DNM3: variants seen among roughly 807,000 people sequenced by gnomAD.
The protein encoded by DNM3 is dynamin-3.
Under a neutral mutation model 101.6 loss-of-function variants are expected in DNM3, and 47 were observed. The ratio of observed to expected loss-of-function variants is 0.46; its 90% confidence interval spans 0.37 to 0.59. The LOEUF is 0.59. DNM3 is among the 20% of genes least tolerant of loss of function. The probability of loss-of-function intolerance (pLI) is 0.00; values close to 1 mark genes in which losing one functional copy is unlikely to be tolerated. For synonymous variants in DNM3, 385 were observed against 387.9 expected, an observed-to-expected ratio of 0.99 and a Z score of 0.09; for missense variants, 849 against 1,085.7, an observed-to-expected ratio of 0.78 and a Z score of 3.06.
At chr1:172,254,354 G>A (rs1239386661) in intron 15 of DNM3, among the ~76,000 whole-genome samples, 1 of 152,122 alleles carries the variant, frequency 6.6e-6, no homozygotes, top group Non-Finnish European at 1.5e-5. Flanking sequence ...TATCACTTAA[G>A]CTCTTCTTGA....
intron 14 of DNM3, among the ~76,000 whole-genome samples, chr1:172,231,066 T>G (rs1188270908): frequency 6.6e-6 from 1 of 151,870 alleles, no homozygotes; most frequent in South Asian, 2.1e-4. Flanking sequence ...TATGCCATAT[T>G]TATGTGACTA....
At chr1:171,996,989 G>A (rs1487001359) in intron 4 of DNM3, among the ~76,000 whole-genome samples, 1 of 151,836 alleles carries the variant, frequency 6.6e-6, no homozygotes, top group Admixed American at 6.6e-5. Context: ...CTGTGATCAC[G>A]CTACTGCACT....
chr1:171,892,121 CT>C (rs1180189155), intron 1 of DNM3, among the ~76,000 whole-genome samples: 1 of 152,060 alleles, frequency 6.6e-6, no homozygotes, highest in African/African-American at 2.4e-5. Context: ...CGTGGGAGCT[CT>C]TTCAGTTGGT....
intron 10 of DNM3, among the ~76,000 whole-genome samples, chr1:172,055,083 CAT>C (rs2050498050): frequency 6.6e-6 from 1 of 151,642 alleles, no homozygotes; most frequent in African/African-American, 2.4e-5. Context: ...TCTGAATACA[CAT>C]AACTAAACAA....
Position 172,304,206 on chromosome 1 carries a change from C to CAAAAAA in DNM3, c.1770-4511_1770-4506dup, listed in dbSNP as rs575733774. Among the ~76,000 whole-genome samples, 311 of 36,360 alleles carry CAAAAAA rather than the reference C, an allele frequency of 8.6e-3. 20 individuals carry two copies. Among genetic ancestry groups the CAAAAAA allele is most frequent in the Middle Eastern group, 0.059 (2 of 34 alleles). The allele number at this position is 36,360 out of a possible 152,430, so 23.9% of individuals were successfully genotyped here. A position where few individuals can be genotyped will look rare whatever the true frequency, so the allele number is the denominator to read the frequency against. On this transcript the variant is annotated intron_variant, in intron 15 of 20. Coordinates refer to ENST00000627582, the MANE Select transcript of DNM3 (RefSeq NM_015569.5). ...GAATATCTACCATGCAAAAGGAAAG[C>CAAAAAA]AAAAAAAAAAAAAAAACAGGAGTTG...
At chr1:172,300,067 G>T (rs771360407) in intron 15 of DNM3, among the ~76,000 whole-genome samples, 2 of 152,036 alleles carry the variant, frequency 1.3e-5, no homozygotes, top group Non-Finnish European at 1.5e-5. Flanking sequence ...TGGCTTTTTA[G>T]TAGTAGCCAT....
intron 1 of DNM3, among the ~76,000 whole-genome samples, chr1:171,870,641 T>C (rs1196716199): frequency 2.6e-5 from 4 of 152,182 alleles, no homozygotes; most frequent in Non-Finnish European, 5.9e-5. Flanking sequence ...CAAATTAGAT[T>C]ATGTATCAAA....
intron 2 of DNM3, among the ~76,000 whole-genome samples, chr1:171,968,742 A>C (rs962533673): frequency 2.0e-5 from 3 of 152,196 alleles, no homozygotes; most frequent in Non-Finnish European, 2.9e-5. Flanking sequence ...GTTGGAGCGA[A>C]AGTCCAGTCT....
At position 172,397,300 on chromosome 1, in the gene DNM3, T is replaced by A. The variant is rs564727147; in HGVS notation, c.2522+8491T>A. The A allele has an allele frequency of 4.6e-5, 7 of 152,752 alleles. No individual in the cohort carries two copies. The South Asian group carries it at 1.4e-3, about 32-fold the overall frequency. 9.5% of individuals were successfully genotyped at this position (152,752 alleles called of 1,614,324 possible). On this transcript the variant is annotated intron_variant, in intron 20 of 20. Coordinates refer to ENST00000627582, the MANE Select transcript of DNM3 (RefSeq NM_015569.5). ...TTGGGGTGGAAAAATTAAGGAAACA[T>A]TAGTAAATGTGTTAAACAGAAAAAC...
At chr1:172,322,226 C>T (rs2065749140) in intron 16 of DNM3, among the ~76,000 whole-genome samples, 1 of 152,176 alleles carries the variant, frequency 6.6e-6, no homozygotes, top group Non-Finnish European at 1.5e-5. Context: ...CAACTTAAAA[C>T]TAAATGCCAA....
chr1:172,298,848 A>T (rs2064290556), intron 15 of DNM3, among the ~76,000 whole-genome samples: 1 of 139,336 alleles, frequency 7.2e-6, no homozygotes, highest in South Asian at 2.3e-4. Context: ...GACAGAAAGA[A>T]GAAAGAAAGA....
chr1:172,146,563 C>T (rs1271348096), intron 14 of DNM3, among the ~76,000 whole-genome samples: 1 of 151,962 alleles, frequency 6.6e-6, no homozygotes, highest in Non-Finnish European at 1.5e-5. Flanking sequence ...CCCTTTTTTC[C>T]CTGTCACTGC....
chr1:172,313,423 A>G (rs1454529670), intron 16 of DNM3, among the ~76,000 whole-genome samples: 3 of 152,262 alleles, frequency 2.0e-5, no homozygotes, highest in Non-Finnish European at 4.4e-5. Flanking sequence ...TATCTAAAGA[A>G]CATGATATAA....
chr1:171,886,417 AAG>A (rs2036774825), intron 1 of DNM3, among the ~76,000 whole-genome samples: 1 of 152,178 alleles, frequency 6.6e-6, no homozygotes, highest in African/African-American at 2.4e-5. Context: ...TTGTTTTAAG[AAG>A]ATTCAGAGAG....
chr1:172,116,332 C>G (rs893713916), intron 13 of DNM3, among the ~76,000 whole-genome samples: 6 of 152,252 alleles, frequency 3.9e-5, no homozygotes, highest in African/African-American at 1.4e-4. Flanking sequence ...GAGGTTCTCA[C>G]ATGCCTGCTC....
chr1:172,133,597 C>G (rs1374117490), intron 14 of DNM3, among the ~76,000 whole-genome samples: 1 of 152,002 alleles, frequency 6.6e-6, no homozygotes, highest in Non-Finnish European at 1.5e-5. Context: ...ATGGAGCTAA[C>G]AAGCAAATAG....
Position 172,308,705 on chromosome 1 carries a change from ATTTT to A in DNM3, c.1770-12_1770-9del. 10 of 1,212,776 alleles carry A rather than the reference ATTTT, an allele frequency of 8.2e-6. No individual in the cohort carries two copies. Among genetic ancestry groups the A allele is most frequent in the East Asian group, 5.3e-5 (2 of 37,570 alleles). 75.1% of individuals were successfully genotyped at this position (1,212,776 alleles called of 1,614,324 possible). ...GAATTTGGTTCAAACTAAAAGCATG[ATTTT>A]TTTTTTTTTTAACTCCAGGAATGTA... is the stretch of plus-strand genomic sequence containing the variant. On this transcript the variant is annotated intron_variant, in intron 15 of 20. Transcript: ENST00000627582.
chr1:172,296,658 T>C (rs1296575012), intron 15 of DNM3, among the ~76,000 whole-genome samples: 1 of 152,188 alleles, frequency 6.6e-6, no homozygotes, highest in Non-Finnish European at 1.5e-5. Context: ...TTTCCAATTA[T>C]AAGGGTTTGT....
At chr1:171,898,996 T>C (rs894541039) in intron 1 of DNM3, among the ~76,000 whole-genome samples, 2 of 152,224 alleles carry the variant, frequency 1.3e-5, no homozygotes, top group African/African-American at 4.8e-5. Flanking sequence ...AGGGCCGTAG[T>C]GTCCTCCGGA....
Sources: gnomAD v4.1 joint callset for allele counts (sites outside exome capture counted in the v4.1 genomes callset) on GRCh38, gnomAD v4.1.1 for gene constraint, MANE v1.5 for transcripts, NCBI Gene and HGNC (gene_info 2026-07-23, HGNC 2026-07-21) for gene names.